Variants in STARD9 observed in about 807,000 individuals in gnomAD.
The protein encoded by STARD9 is stAR-related lipid transfer protein 9.
A neutral mutation model predicts 399.8 loss-of-function variants in STARD9; 346 were observed. The observed-to-expected ratio is 0.87, with a 90% confidence interval of 0.79 to 0.95. STARD9 has a LOEUF of 0.95. Among genes scored for constraint, STARD9 ranks in the 40% least tolerant of loss-of-function variants. STARD9 has a pLI of 0.00. For synonymous variants in STARD9, 2,203 were observed against 2,143.5 expected (o/e 1.03, Z -0.77); for missense variants, 5,832 against 5,667.5 (o/e 1.03, Z -0.93).
intron 9 of STARD9, among the ~76,000 whole-genome samples, chr15:42,655,119 A>G (rs1202880051): frequency 6.6e-6 from 1 of 152,100 alleles, no homozygotes; most frequent in East Asian, 1.9e-4. Flanking sequence ...CCTCTCTACT[A>G]AAAATAGAAA....
At chr15:42,696,427 T>C (rs758190699) in intron 26 of STARD9, among the ~76,000 whole-genome samples, 10 of 152,092 alleles carry the variant, frequency 6.6e-5, no homozygotes, top group Non-Finnish European at 1.0e-4. Context: ...GTTAGTGTGG[T>C]TGGAATGTAA....
chr15:42,714,500 C>T (rs1418834884), intron 26 of STARD9, among the ~76,000 whole-genome samples: 5 of 152,146 alleles, frequency 3.3e-5, no homozygotes, highest in African/African-American at 1.2e-4. Flanking sequence ...GTTTTTAAAG[C>T]TAAAAATTTC....
intron 22 of STARD9, among the ~76,000 whole-genome samples, chr15:42,683,738 T>C (rs1473117636): frequency 2.0e-5 from 3 of 152,198 alleles, no homozygotes; most frequent in Admixed American, 2.0e-4. Flanking sequence ...GTAATCATTA[T>C]TTTTATTTCT....
chr15:42,615,948 A>G (rs1243466194), intron 3 of STARD9, among the ~76,000 whole-genome samples: 2 of 152,236 alleles, frequency 1.3e-5, no homozygotes, highest in Non-Finnish European at 1.5e-5. Flanking sequence ...AAATCCTTGT[A>G]TATGTGGAGA....
At chr15:42,634,013 A>G (rs543085990) in intron 3 of STARD9, among the ~76,000 whole-genome samples, 2 of 152,052 alleles carry the variant, frequency 1.3e-5, no homozygotes, top group South Asian at 2.1e-4. Context: ...TTTGGCTTCT[A>G]TAGTAGAGCA....
intron 26 of STARD9, among the ~76,000 whole-genome samples, chr15:42,699,538 T>C (rs1392818948): frequency 9.5e-5 from 14 of 146,640 alleles, no homozygotes; most frequent in South Asian, 2.2e-4. Flanking sequence ...GGACTACAGG[T>C]GCCCGCCACC....
chr15:42,689,266 A>G lies in STARD9; in HGVS notation c.7688A>G (p.Lys2563Arg). ...ATCAGACAGGCAAAGGCCCAGAGAA[A>G]GCAGCTTCATGACTTTGTGGCCAGG... is the stretch of plus-strand genomic sequence containing the variant. ...EEIRQAKAQR[K>R]QLHDFVARGT... The change falls in exon 23 of 33, where the codon AAG becomes AGG. Residue 2563 changes from lysine (K) to arginine (R), a missense_variant. By Grantham distance (26) the Lys-to-Arg change is conservative. Coordinates refer to ENST00000290607, the MANE Select transcript of STARD9 (RefSeq NM_020759.3). 1 of 1,537,276 alleles carries G rather than the reference A, an allele frequency of 6.5e-7. No individual in the cohort carries two copies. Among genetic ancestry groups the G allele is most frequent in the Non-Finnish European group, 8.7e-7 (1 of 1,146,922 alleles).
At chr15:42,633,515 T>A (rs2059368214) in intron 3 of STARD9, among the ~76,000 whole-genome samples, 1 of 152,212 alleles carries the variant, frequency 6.6e-6, no homozygotes, top group Non-Finnish European at 1.5e-5. Flanking sequence ...CCAGCAGCAG[T>A]GCTATTGGAT....
intron 3 of STARD9, among the ~76,000 whole-genome samples, chr15:42,607,651 TACACACACAC>T (rs10655556): frequency 0.021 from 3,037 of 143,764 alleles, 112 homozygotes; most frequent in African/African-American, 0.073. Flanking sequence ...CACACACTTA[TACACACACAC>T]ACACACACAC....
chr15:42,581,588 C>A (rs1210597915), intron 1 of STARD9: 1 of 798,182 alleles, frequency 1.3e-6, no homozygotes, highest in Non-Finnish European at 2.1e-6. Context: ...GAGCTCTGCG[C>A]ACTCCTCGCT....
At position 42,691,088 on chromosome 15, in the gene STARD9, T is replaced by G. The variant is rs1208477749; in HGVS notation, c.9510T>G (p.Cys3170Trp). The G allele has an allele frequency of 5.2e-6, 8 of 1,537,018 alleles. No individual in the cohort carries two copies. The highest frequency in any genetic ancestry group is 7.0e-6 in the Non-Finnish European group (8 of 1,146,888). Residue 3170 changes from cysteine (C) to tryptophan (W), a missense_variant, in exon 23 of 33, where the codon TGT (cysteine) becomes TGG (tryptophan). Transcript: ENST00000290607. The stretch of plus-strand genomic sequence containing the variant: ...AATGTTTAGAAAATACCACTAGATG[T>G]TTTTTGGAAAAGCCACAATTTTCCA... ...QHECLENTTR[C>W]FLEKPQFSTE... is the part of the protein sequence containing the mutation.
Position 42,691,899 on chromosome 15 carries a change from C to A in STARD9, c.10321C>A (p.Leu3441Met). The A allele has an allele frequency of 2.6e-6, 4 of 1,537,272 alleles. No individual in the cohort carries two copies. Among genetic ancestry groups the A allele is most frequent in the Non-Finnish European group, 3.5e-6 (4 of 1,146,920 alleles). ...EQAQQGKREKLGVQVRPENWC... is the reference protein window; with the variant it reads ...EQAQQGKREKMGVQVRPENWC... ...AGCCCAACAGGGAAAGCGAGAGAAA[C>A]TGGGTGTCCAGGTTAGGCCAGAAAA... Residue 3441 changes from leucine to methionine, a missense_variant, in exon 23 of 33, where the codon CTG becomes ATG. Leu to Met is a conservative substitution (Grantham distance 15). Transcript: ENST00000290607.
Position 42,690,609 on chromosome 15 carries a change from G to A in STARD9, c.9031G>A (p.Gly3011Arg). ...PSRAYEMDET[G>R]EISRGPDVHL... is the part of the protein sequence containing the mutation. ...CAGGGCCTATGAAATGGATGAGACA[G>A]GAGAGATCTCTAGGGGACCTGATGT... is the stretch of plus-strand genomic sequence containing the variant. Residue 3011 changes from glycine to arginine, a missense_variant, in exon 23 of 33, where the codon GGA becomes AGA. By Grantham distance (125) the Gly-to-Arg change is moderately radical (BLOSUM62 -2). Coordinates refer to ENST00000290607, the MANE Select transcript of STARD9 (RefSeq NM_020759.3). The A allele has an allele frequency of 6.5e-7, 1 of 1,537,244 alleles. No homozygotes were observed.
intron 12 of STARD9, 69 bp downstream of exon 12, chr15:42,663,559 C>T (rs1378773505): frequency 2.2e-6 from 2 of 902,246 alleles, no homozygotes; most frequent in African/African-American, 1.7e-5. Flanking sequence ...GGCCATGGCC[C>T]CAGTGAGTGG....
chr15:42,603,869 A>G (rs2058678535), intron 3 of STARD9, among the ~76,000 whole-genome samples: 1 of 152,150 alleles, frequency 6.6e-6, no homozygotes. Context: ...CTTTGGTTCA[A>G]AGAACCAAAG....
intron 3 of STARD9, among the ~76,000 whole-genome samples, chr15:42,593,926 C>T (rs752730029): frequency 6.6e-6 from 1 of 151,944 alleles, no homozygotes; most frequent in Non-Finnish European, 1.5e-5. Flanking sequence ...CCTCGGCCTC[C>T]CAAAGTTCTG....
rs2060512368 is a variant in STARD9, at chr15:42,684,867, GAC to G, written c.3291_3292del (p.Asp1097GlufsTer2). ...SPVMDHSREK[D>X]NDLSDTDSNY... The stretch of plus-strand genomic sequence containing the variant: ...AGTAATGGATCATTCAAGAGAAAAA[GAC>G]AATGATTTATCTGACACAGATAGCA... On this transcript the variant is annotated frameshift_variant, in exon 23 of 33. Transcript: ENST00000290607. LOFTEE classifies it high-confidence loss of function. The G allele has an allele frequency of 6.5e-7, 1 of 1,537,130 alleles. No homozygotes were observed. Among genetic ancestry groups the G allele is most frequent in the Non-Finnish European group, 8.7e-7 (1 of 1,146,914 alleles).
Position 42,675,706 on chromosome 15 carries a change from A to G in STARD9, c.1730A>G (p.Asn577Ser), listed in dbSNP as rs1297471534. The change falls in exon 19 of 33, where the codon AAC becomes AGC. Residue 577 changes from asparagine (N) to serine (S), a missense_variant. Physicochemically the swap from Asn to Ser is conservative, Grantham distance 46. Transcript: ENST00000290607. ...GGGAAGGCACAGAAGTTCCGATTCA[A>G]CCACCCAGCAGAGGCTGCTGTCCTG... ...TLGKAQKFRFNHPAEAAVLRQ... is the reference protein window; with the variant it reads ...TLGKAQKFRFSHPAEAAVLRQ... 2.0e-5 allele frequency: 31 copies of G among 1,537,086 alleles called. No individual in the cohort carries two copies. The highest frequency in any genetic ancestry group is 2.7e-5 in the African/African-American group (2 of 73,042).
chr15:42,653,706 A>G (rs1254188859), intron 9 of STARD9, among the ~76,000 whole-genome samples: 6 of 152,218 alleles, frequency 3.9e-5, no homozygotes, highest in African/African-American at 1.4e-4. Context: ...CTGACAAGAA[A>G]ACTAAATGAA....
Sources: allele counts gnomAD v4.1 joint callset (sites outside exome capture counted in the v4.1 genomes callset), GRCh38; gene constraint gnomAD v4.1.1; transcripts MANE v1.5; gene names NCBI Gene and HGNC (gene_info 2026-07-23, HGNC 2026-07-21).